Variants in MID1 observed in about 807,000 individuals in gnomAD.
The protein encoded by MID1 is midline 1, also known as E3 ubiquitin-protein ligase Midline-1.
In MID1, 7 loss-of-function variants were observed where a neutral mutation model predicts 40.4. The ratio of observed to expected loss-of-function variants is 0.17; its 90% CI spans 0.10 to 0.33. The LOEUF (loss-of-function observed/expected upper bound fraction) is 0.33. Among genes scored for constraint, MID1 ranks in the 10% least tolerant of loss-of-function variants. The pLI is 1.00. For missense variants in MID1, 367 were observed against 558.5 expected, an observed-to-expected ratio of 0.66 and a Z score of 3.46; for synonymous variants, 229 against 221.2, an observed-to-expected ratio of 1.04 and a Z score of -0.31.
At chrX:10,647,827 T>C (rs1282861126) in intron 1 of MID1, among the ~76,000 whole-genome samples, 1 of 112,023 alleles carries the variant, frequency 8.9e-6, no homozygotes, top group Non-Finnish European at 1.9e-5. Context: ...AGAGCAGAAC[T>C]ACCACAAATT....
upstream of MID1, among the ~76,000 whole-genome samples, chrX:10,622,812 A>G (rs1281203318): frequency 9.0e-6 from 1 of 111,248 alleles, no homozygotes; most frequent in African/African-American, 3.3e-5. Context: ...GTTTCAGAAA[A>G]CCTCTAAAAA....
At chrX:10,764,560 A>G (rs753444475) in intron 1 of MID1, among the ~76,000 whole-genome samples, 4 of 112,234 alleles carry the variant, frequency 3.6e-5, no homozygotes, top group Admixed American at 9.4e-5. Context: ...TTTAAACCTT[A>G]GAATTTTTTT....
At chrX:10,654,170 T>C (rs1408953945) in intron 1 of MID1, among the ~76,000 whole-genome samples, 3 of 111,915 alleles carry the variant, frequency 2.7e-5, no homozygotes, top group Non-Finnish European at 5.6e-5. Context: ...GTTATAGTTA[T>C]ATATAAATAT....
intron 3 of MID1, among the ~76,000 whole-genome samples, chrX:10,516,348 C>T (rs1183723332): frequency 1.8e-5 from 2 of 109,500 alleles, no homozygotes; most frequent in Non-Finnish European, 3.8e-5. Context: ...GCGCCCGCCA[C>T]CATGCCCGGC....
chrX:10,510,365 C>T, intron 3 of MID1, among the ~76,000 whole-genome samples: 1 of 111,773 alleles, frequency 8.9e-6, no homozygotes, highest in African/African-American at 3.3e-5. Context: ...TATGAGGAAT[C>T]ACTGTTCAGA....
At chrX:10,820,937 CT>C (rs1394520567) in intron 1 of MID1, among the ~76,000 whole-genome samples, 3 of 112,082 alleles carry the variant, frequency 2.7e-5, no homozygotes, top group Non-Finnish European at 5.6e-5. Flanking sequence ...CCTTGGGTTG[CT>C]GAATTGTAAA....
chrX:10,519,209 A>AT (rs751522039), intron 3 of MID1, among the ~76,000 whole-genome samples: 4 of 109,093 alleles, frequency 3.7e-5, no homozygotes, highest in African/African-American at 6.6e-5. Context: ...AGCTCAGGTA[A>AT]TTTTTTTTTT....
At chrX:10,766,416 T>C (rs2043729611) in intron 1 of MID1, among the ~76,000 whole-genome samples, 1 of 111,344 alleles carries the variant, frequency 9.0e-6, no homozygotes, top group East Asian at 2.8e-4. Context: ...AGGAGCAACA[T>C]ATCCAAGGAT....
At chrX:10,623,282 A>C (rs1466689658), upstream of MID1, among the ~76,000 whole-genome samples, 1 of 95,979 alleles carries the variant, frequency 1.0e-5, no homozygotes, top group Non-Finnish European at 2.0e-5. Context: ...GGAAAGAAAG[A>C]AAGAAAAGAA....
intron 1 of MID1, among the ~76,000 whole-genome samples, chrX:10,575,456 C>T (rs1934846801): frequency 8.9e-6 from 1 of 112,168 alleles, no homozygotes; most frequent in African/African-American, 3.2e-5. Context: ...TTGTCTAACA[C>T]AAACTCAATA....
chrX:10,722,260 T>C (rs2043361313), intron 1 of MID1, among the ~76,000 whole-genome samples: 1 of 112,158 alleles, frequency 8.9e-6, no homozygotes, highest in Non-Finnish European at 1.9e-5. Context: ...TCTACTGGTG[T>C]GCATGTTGAT....
At chrX:10,453,520 C>T (rs1005617365) in intron 9 of MID1, among the ~76,000 whole-genome samples, 1 of 111,742 alleles carries the variant, frequency 8.9e-6, no homozygotes, top group Admixed American at 9.5e-5. Flanking sequence ...AAATATACCA[C>T]CCTTTTGTGA....
intron 3 of MID1, among the ~76,000 whole-genome samples, chrX:10,505,002 G>A (rs1261452526): frequency 9.0e-6 from 1 of 111,715 alleles, no homozygotes; most frequent in Non-Finnish European, 1.9e-5. Context: ...TATATTCAGA[G>A]GACTGCAGGT....
At chrX:10,809,321 CT>C (rs1361976265) in intron 1 of MID1, among the ~76,000 whole-genome samples, 12 of 111,795 alleles carry the variant, frequency 1.1e-4, no homozygotes, top group Non-Finnish European at 1.7e-4. Context: ...CACTTTTACA[CT>C]GTTGGTGGGA....
chrX:10,779,921 T>C (rs2043832731), intron 1 of MID1, among the ~76,000 whole-genome samples: 1 of 110,304 alleles, frequency 9.1e-6, no homozygotes, highest in African/African-American at 3.3e-5. Flanking sequence ...AAGCCTCAAT[T>C]TTAAGAGCAA....
intron 1 of MID1, among the ~76,000 whole-genome samples, chrX:10,737,821 C>T (rs2043497327): frequency 9.1e-6 from 1 of 109,637 alleles, no homozygotes; most frequent in African/African-American, 3.3e-5. Context: ...ACCAGAGAGA[C>T]AGAAATAAAA....
chrX:10,535,572 G>C (rs941611437), intron 2 of MID1, among the ~76,000 whole-genome samples: 8 of 111,437 alleles, frequency 7.2e-5, no homozygotes, highest in African/African-American at 2.6e-4. Flanking sequence ...AAATATAAGG[G>C]AATGCTTTCT....
At chrX:10,516,607 T>TGC (rs1555898389) in intron 3 of MID1, among the ~76,000 whole-genome samples, 18 of 53,502 alleles carry the variant, frequency 3.4e-4, no homozygotes, top group Non-Finnish European at 5.6e-4. Flanking sequence ...TGTGTGTGTG[T>TGC]GTGCGCGCGC....
intron 2 of MID1, among the ~76,000 whole-genome samples, chrX:10,551,887 ATCC>A (rs1451877504): frequency 1.8e-5 from 2 of 111,864 alleles, no homozygotes; most frequent in Non-Finnish European, 1.9e-5. Context: ...GGCTCAAGCA[ATCC>A]TCCTGCTTCA....
Sources: gnomAD v4.1 joint callset for allele counts (sites outside exome capture counted in the v4.1 genomes callset) on GRCh38, gnomAD v4.1.1 for gene constraint, MANE v1.5 for transcripts, NCBI Gene and HGNC (gene_info 2026-07-23, HGNC 2026-07-21) for gene names.